RFXAP: variants seen among roughly 807,000 people sequenced by gnomAD.
RFXAP encodes the protein regulatory factor X associated protein.
In RFXAP, 21 loss-of-function variants were observed where a neutral mutation model predicts 25.7. That is an observed-to-expected ratio of 0.82 (90% confidence interval 0.58 to 1.18). The LOEUF (loss-of-function observed/expected upper bound fraction) is 1.18, where lower values mean the gene tolerates loss of function less well. Ranked by LOEUF, RFXAP falls within the 50% of genes most tolerant of loss-of-function variation. The probability of loss-of-function intolerance (pLI) is 0.00; values close to 1 mark genes in which losing one functional copy is unlikely to be tolerated. For missense variants in RFXAP, 333 were observed against 363.0 expected (o/e 0.92, Z 0.67); for synonymous variants, 161 against 152.2 (o/e 1.06, Z -0.43).
chr13:36,823,735 T>C lies in RFXAP; in HGVS notation c.601-1693T>C, dbSNP rs182319962. Among the ~76,000 whole-genome samples, 13 of 152,324 alleles carry C rather than the reference T, an allele frequency of 8.5e-5. No individual in the cohort carries two copies. In the East Asian group the frequency reaches 2.5e-3, roughly 29 times the overall value. The stretch of plus-strand genomic sequence containing the variant: ...GTCAAGGTTAAATGAGGAACAAATG[T>C]GTATAATGTCTACTCCACCAATCTA... On this transcript the variant is annotated intron_variant, in intron 1 of 2. Coordinates refer to ENST00000255476, the MANE Select transcript of RFXAP (RefSeq NM_000538.4).
intron 2 of RFXAP, among the ~76,000 whole-genome samples, chr13:36,826,267 C>A (rs185541670): frequency 6.6e-6 from 1 of 151,922 alleles, no homozygotes; most frequent in Non-Finnish European, 1.5e-5. Context: ...TACAAAAATT[C>A]CTGTAATTTG....
Position 36,827,822 on chromosome 13 carries a change from G to A in RFXAP, c.*69G>A. The A allele has an allele frequency of 8.4e-7, 1 of 1,184,496 alleles. No homozygotes were observed. Among genetic ancestry groups the A allele is most frequent in the Non-Finnish European group, 1.3e-6 (1 of 797,016 alleles). 73.4% of individuals were successfully genotyped at this position (1,184,496 alleles called of 1,614,324 possible). ...AATAGATGAGCATATTTTTTTACCA[G>A]ACATAAATGGGGTAATAATCTATGC... On this transcript the variant is annotated 3_prime_UTR_variant, in exon 3 of 3. Coordinates refer to ENST00000255476, the MANE Select transcript of RFXAP (RefSeq NM_000538.4).
chr13:36,826,796 A>G (rs539406040), intron 2 of RFXAP, among the ~76,000 whole-genome samples: 209 of 152,292 alleles, frequency 1.4e-3, no homozygotes, highest in African/African-American at 4.7e-3. Flanking sequence ...TGTTCACTTT[A>G]TTCAGTTTAT....
Position 36,819,227 on chromosome 13 carries a change from C to T in RFXAP, c.-131C>T, listed in dbSNP as rs1021353605. 6.3e-6 allele frequency: 6 copies of T among 956,138 alleles called. No homozygotes were observed. Among genetic ancestry groups the T allele is most frequent in the Admixed American group, 4.4e-5 (1 of 22,480 alleles). 59.2% of individuals were successfully genotyped at this position (956,138 alleles called of 1,614,324 possible). The stretch of plus-strand genomic sequence containing the variant: ...CGCGCAGGCTGCGGTCGCGCAGGCG[C>T]AGTCGGGGCGCCTTCCCGGTATAGG... On this transcript the variant is annotated 5_prime_UTR_variant, in exon 1 of 3. Coordinates refer to ENST00000255476, the MANE Select transcript of RFXAP (RefSeq NM_000538.4).
intron 2 of RFXAP, 143 bp downstream of exon 2, chr13:36,825,678 A>G: frequency 1.8e-6 from 1 of 554,706 alleles, no homozygotes; most frequent in Non-Finnish European, 3.1e-6. Context: ...ATTTTAAAAA[A>G]AGAATCGGAA....
rs754149951 is a variant in RFXAP at position 36,827,726 on chromosome 13, A to G, written c.792A>G (p.Gln264=). ...LLNQQVLEQR[Q]QQFPGTSM ...ATCAGCAAGTTTTGGAGCAAAGACA[A>G]CAGCAGTTTCCAGGAACATCAATGT... The change falls in exon 3 of 3, where the codon CAA becomes CAG. Residue 264 remains glutamine, a synonymous_variant. Coordinates refer to ENST00000255476, the MANE Select transcript of RFXAP (RefSeq NM_000538.4). The G allele has an allele frequency of 6.2e-6, 10 of 1,613,708 alleles. No individual in the cohort carries two copies. The highest frequency in any genetic ancestry group is 1.1e-5 in the South Asian group (1 of 91,078).
chr13:36,827,737 C>A lies in RFXAP; in HGVS notation c.803C>A (p.Pro268Gln). 6.2e-7 allele frequency: 1 copy of A among 1,613,068 alleles called. No individual in the cohort carries two copies. The highest frequency in any genetic ancestry group is 8.5e-7 in the Non-Finnish European group (1 of 1,179,402). ...TTGGAGCAAAGACAACAGCAGTTTC[C>A]AGGAACATCAATGTGAGGGAACTTA... is the stretch of plus-strand genomic sequence containing the variant. Reference protein sequence around the residue: ...QVLEQRQQQFPGTSM With the variant: ...QVLEQRQQQFQGTSM The change falls in exon 3 of 3, where the codon CCA becomes CAA. Residue 268 changes from proline (P) to glutamine (Q), a missense_variant. Physicochemically the swap from Pro to Gln is moderately conservative, Grantham distance 76 (BLOSUM62 -1). Transcript: ENST00000255476.
rs574136122 is a variant in RFXAP at position 36,829,055 on chromosome 13, A to C, written c.*1302A>C. 6.5e-6 allele frequency: 1 copy of C among 152,756 alleles called. No homozygotes were observed. Among genetic ancestry groups the C allele is most frequent in the Admixed American group, 6.5e-5 (1 of 15,294 alleles). The allele number at this position is 152,756 out of a possible 1,614,324, so 9.5% of individuals were successfully genotyped here. On this transcript the variant is annotated 3_prime_UTR_variant, in exon 3 of 3. Transcript: ENST00000255476. ...GTGTTTTTACTTGCATATCTGTTCA[A>C]AACACTTTTAACAAAATTAATTCAT...
Position 36,819,600 on chromosome 13 carries a change from C to T in RFXAP, c.243C>T (p.Gly81=). The part of the protein sequence containing the change: ...VRYLCEGAGD[G]EEEAGEDEAD... ...ACCTGTGCGAAGGGGCCGGGGATGGCGAAGAGGAGGCTGGGGAGGACGAGG... is the reference window on the plus strand; with the variant it reads ...ACCTGTGCGAAGGGGCCGGGGATGGTGAAGAGGAGGCTGGGGAGGACGAGG... The change falls in exon 1 of 3, where the codon GGC becomes GGT. Residue 81 remains glycine, a synonymous_variant. Transcript: ENST00000255476. 2 of 1,536,562 alleles carry T rather than the reference C, an allele frequency of 1.3e-6. No homozygotes were observed. Among genetic ancestry groups the T allele is most frequent in the Admixed American group, 2.0e-5 (1 of 49,462 alleles).
At chr13:36,822,525 C>T (rs2057966473) in intron 1 of RFXAP, among the ~76,000 whole-genome samples, 1 of 151,826 alleles carries the variant, frequency 6.6e-6, no homozygotes, top group Non-Finnish European at 1.5e-5. Flanking sequence ...CTGCACCTCC[C>T]ACAAAAAGAA....
intron 1 of RFXAP, among the ~76,000 whole-genome samples, chr13:36,822,053 G>C (rs944287852): frequency 2.6e-5 from 4 of 151,776 alleles, no homozygotes; most frequent in African/African-American, 9.7e-5. Context: ...ATTCACTTCA[G>C]AATTCTTTAG....
chr13:36,819,579 G>A lies in RFXAP; in HGVS notation c.222G>A (p.Leu74=), dbSNP rs1460528998. The A allele has an allele frequency of 2.0e-6, 3 of 1,532,904 alleles. No homozygotes were observed. The African/African-American group carries it at 4.1e-5, about 21-fold the overall frequency. The allele number at this position is 1,532,904 out of a possible 1,614,324, so 95.0% of individuals were successfully genotyped here. A position where few individuals can be genotyped will look rare whatever the true frequency, so the allele number is the denominator to read the frequency against. ...GGGCGGGCAAGCCCGTTAGGTACCT[G>A]TGCGAAGGGGCCGGGGATGGCGAAG... The part of the protein sequence containing the change: ...SVGAGKPVRY[L]CEGAGDGEEE... Residue 74 remains leucine, a synonymous_variant, in exon 1 of 3, where the codon CTG becomes CTA. Transcript: ENST00000255476.
rs1385297464 is a variant in RFXAP, at chr13:36,828,390, T to C, written c.*637T>C. On this transcript the variant is annotated 3_prime_UTR_variant, in exon 3 of 3. Coordinates refer to ENST00000255476, the MANE Select transcript of RFXAP (RefSeq NM_000538.4). ...ACATTTTATATAGACGTAAGGAAAG[T>C]GATTATTGTTTAATATCTGTGAATT... 6.6e-6 allele frequency: 1 copy of C among 152,290 alleles called. No homozygotes were observed. The allele number at this position is 152,290 out of a possible 1,614,324, so 9.4% of individuals were successfully genotyped here.
intron 1 of RFXAP, among the ~76,000 whole-genome samples, chr13:36,820,482 C>T (rs1160837062): frequency 6.6e-6 from 1 of 152,006 alleles, no homozygotes; most frequent in East Asian, 1.9e-4. Context: ...ACTCAGTTGC[C>T]TGTCTGTAGT....
intron 1 of RFXAP, 27 bp downstream of exon 1, chr13:36,819,984 A>G (rs1593530246): frequency 1.2e-6 from 2 of 1,611,316 alleles, no homozygotes; most frequent in South Asian, 2.2e-5. Context: ...AGGCCTGGGG[A>G]TGGGAGGTGG....
At position 36,824,206 on chromosome 13, in the gene RFXAP, G is replaced by C. The variant is rs1316428037; in HGVS notation, c.601-1222G>C. Among the ~76,000 whole-genome samples the C allele has an allele frequency of 2.0e-5, 3 of 152,140 alleles. No individual in the cohort carries two copies. In the East Asian group the frequency reaches 5.8e-4, roughly 29 times the overall value. Reference sequence around the variant, plus strand: ...TGGGGTTGTGAGGGCAGAGGGTACTGTACCATCAAGTCAATTTCAGCATTC... The same window carrying C: ...TGGGGTTGTGAGGGCAGAGGGTACTCTACCATCAAGTCAATTTCAGCATTC... On this transcript the variant is annotated intron_variant, in intron 1 of 2. Transcript: ENST00000255476.
chr13:36,821,214 TAAAAAAAAA>T (rs10573140), intron 1 of RFXAP, among the ~76,000 whole-genome samples: 32 of 104,844 alleles, frequency 3.1e-4, no homozygotes, highest in South Asian at 2.0e-3. Flanking sequence ...CCTGTCTCCT[TAAAAAAAAA>T]AAAAAAAAAA....
In RFXAP at chr13:36,819,458, C is replaced by G. The variant is rs2057953877; in HGVS notation, c.101C>G (p.Pro34Arg). 2 of 1,509,210 alleles carry G rather than the reference C, an allele frequency of 1.3e-6. No individual in the cohort carries two copies. The highest frequency in any genetic ancestry group is 1.8e-6 in the Non-Finnish European group (2 of 1,128,656). The allele number at this position is 1,509,210 out of a possible 1,614,324, so 93.5% of individuals were successfully genotyped here. A position where few individuals can be genotyped will look rare whatever the true frequency, so the allele number is the denominator to read the frequency against. Residue 34 changes from proline to arginine, a missense_variant, in exon 1 of 3, where the codon CCA (proline) becomes CGA (arginine). Transcript: ENST00000255476. ...CCGGCTGCGGCTCCCACCTTGGCGC[C>G]AGCCTCGGTGGCGGCCGCGGCCTCT... ...LAPAAAPTLA[P>R]ASVAAAASQF... is the part of the protein sequence containing the mutation.
intron 1 of RFXAP, among the ~76,000 whole-genome samples, chr13:36,823,349 C>G (rs540415692): frequency 6.6e-6 from 1 of 152,324 alleles, no homozygotes; most frequent in East Asian, 1.9e-4. Context: ...GTGGACTATT[C>G]TAGCTAAAAT....
Sources: gnomAD v4.1 joint callset for allele counts (sites outside exome capture counted in the v4.1 genomes callset) on GRCh38, gnomAD v4.1.1 for gene constraint, MANE v1.5 for transcripts, NCBI Gene and HGNC (gene_info 2026-07-23, HGNC 2026-07-21) for gene names.